SEMA3D: variants seen among roughly 807,000 people sequenced by gnomAD.
The protein encoded by SEMA3D is semaphorin 3D.
In SEMA3D, 84 loss-of-function variants were observed where a neutral mutation model predicts 100.1. The observed-to-expected ratio is 0.84, with a 90% CI of 0.70 to 1.01. The LOEUF is 1.01. Among genes scored for constraint, SEMA3D ranks in the 50% least tolerant of loss-of-function variants. The pLI, the probability that SEMA3D is intolerant of heterozygous loss-of-function variation, is 0.00. For missense variants in SEMA3D, 875 were observed against 934.1 expected (o/e 0.94, Z 0.82); for synonymous variants, 312 against 320.7 (o/e 0.97, Z 0.29).
chr7:85,238,070 G>A, the SEMA3D span, among the ~76,000 whole-genome samples: 1 of 152,138 alleles, frequency 6.6e-6, no homozygotes, highest in African/African-American at 2.4e-5. Context: ...TTTTGATGAT[G>A]TATCTGTTCA....
At chr7:85,003,631 TTAA>T (rs1339873318) in intron 18 of SEMA3D, among the ~76,000 whole-genome samples, 3 of 152,006 alleles carry the variant, frequency 2.0e-5, no homozygotes, top group East Asian at 1.9e-4. Context: ...CATTAAATTA[TTAA>T]TATCTGTAAT....
At chr7:85,053,126 C>T (rs1466411032) in intron 9 of SEMA3D, among the ~76,000 whole-genome samples, 1 of 151,872 alleles carries the variant, frequency 6.6e-6, no homozygotes, top group Non-Finnish European at 1.5e-5. Context: ...ACTATAACAG[C>T]AAGAACAACA....
At position 85,036,941 on chromosome 7, in the gene SEMA3D, T is replaced by A. The variant is rs764213831; in HGVS notation, c.1139A>T (p.Asp380Val). ...NGPYAHKESADHRWVQYDGRI... is the reference protein window; with the variant it reads ...NGPYAHKESAVHRWVQYDGRI... ...CCCATCATACTGCACCCAACGATGG[T>A]CTGCACTTTCCTTATGAGCATATGG... Residue 380 changes from aspartate to valine, a missense_variant, in exon 12 of 19, where the codon GAC becomes GTC. Transcript: ENST00000284136. 1 of 1,613,420 alleles carries A rather than the reference T, an allele frequency of 6.2e-7. No homozygotes were observed. Among genetic ancestry groups the A allele is most frequent in the Admixed American group, 1.7e-5 (1 of 59,952 alleles).
rs375423679 is a variant in SEMA3D at position 85,025,468 on chromosome 7, G to A, written c.1192-2855C>T. ...TTGGCAAGTCTGCGTGTTTGTCTAGGGCCTTTAGTAGTGGAATGGGAAGCA... is the reference window on the plus strand; with the variant it reads ...TTGGCAAGTCTGCGTGTTTGTCTAGAGCCTTTAGTAGTGGAATGGGAAGCA... On this transcript the variant is annotated intron_variant, in intron 12 of 18. Coordinates refer to ENST00000284136, the MANE Select transcript of SEMA3D (RefSeq NM_001384900.1). 2.0e-5 allele frequency among the ~76,000 whole-genome samples: 3 copies of A among 152,058 alleles called. No individual in the cohort carries two copies. In the South Asian group the frequency reaches 6.2e-4, roughly 32 times the overall value.
intron 1 of SEMA3D, among the ~76,000 whole-genome samples, chr7:85,156,860 C>G (rs938412826): frequency 6.6e-6 from 1 of 152,098 alleles, no homozygotes; most frequent in Non-Finnish European, 1.5e-5. Context: ...TCTTATAGCC[C>G]ACAGACAGTT....
the SEMA3D span, among the ~76,000 whole-genome samples, chr7:85,210,927 A>G: frequency 6.6e-6 from 1 of 152,048 alleles, no homozygotes; most frequent in Non-Finnish European, 1.5e-5. Flanking sequence ...TAATGTATCA[A>G]ATATACTTTG....
At chr7:85,167,132 G>T (rs1428866333) in intron 1 of SEMA3D, 1 of 298,920 alleles carries the variant, frequency 3.3e-6, no homozygotes, top group Non-Finnish European at 4.9e-6. Context: ...CCCGCCTGAA[G>T]ATCATAAAAA....
At chr7:85,026,484 T>C (rs1790393816) in intron 12 of SEMA3D, among the ~76,000 whole-genome samples, 1 of 152,032 alleles carries the variant, frequency 6.6e-6, no homozygotes. Flanking sequence ...GTTAGCTACA[T>C]TCCTCAGGTA....
chr7:85,051,013 T>C (rs1226967662), intron 9 of SEMA3D, among the ~76,000 whole-genome samples: 1 of 151,962 alleles, frequency 6.6e-6, no homozygotes, highest in Non-Finnish European at 1.5e-5. Flanking sequence ...TGTGACCAGA[T>C]ATTTACATTA....
chr7:85,020,369 T>C, intron 13 of SEMA3D, 48 bp from the exon 14 acceptor site: 1 of 1,388,054 alleles, frequency 7.2e-7, no homozygotes, highest in African/African-American at 1.4e-5. Flanking sequence ...TCTCAAAAAT[T>C]AGTGGTAAGC....
the SEMA3D span, among the ~76,000 whole-genome samples, chr7:85,197,804 A>C: frequency 6.6e-6 from 1 of 152,228 alleles, no homozygotes. Context: ...TCCAACAAAG[A>C]AATGGACAAT....
chr7:85,099,414 G>T (rs951926643), intron 3 of SEMA3D, among the ~76,000 whole-genome samples: 1 of 151,882 alleles, frequency 6.6e-6, no homozygotes, highest in African/African-American at 2.4e-5. Flanking sequence ...CCATGATTGC[G>T]AGGCCTCAGC....
At chr7:85,144,201 C>A (rs936988025) in intron 2 of SEMA3D, among the ~76,000 whole-genome samples, 12 of 151,880 alleles carry the variant, frequency 7.9e-5, no homozygotes, top group South Asian at 2.1e-4. Flanking sequence ...TTCAGTTTTT[C>A]TCTATGTGGA....
rs933648802 is a variant in SEMA3D at position 85,151,567 on chromosome 7, C to A, written c.-41+2041G>T. ...TTCTATGCTGGTTAAAATAGAGCAC[C>A]GTAGTTGATGTGTGTATGCATGTGT... is the stretch of plus-strand genomic sequence containing the variant. On this transcript the variant is annotated intron_variant, in intron 2 of 18. Coordinates refer to ENST00000284136, the MANE Select transcript of SEMA3D (RefSeq NM_001384900.1). 6.8e-6 allele frequency: 6 copies of A among 882,570 alleles called. No individual in the cohort carries two copies. The Admixed American group carries it at 1.9e-4, about 29-fold the overall frequency. 54.7% of individuals were successfully genotyped at this position (882,570 alleles called of 1,614,324 possible).
chr7:85,132,618 C>T (rs1191273991), intron 2 of SEMA3D, among the ~76,000 whole-genome samples: 3 of 151,768 alleles, frequency 2.0e-5, no homozygotes, highest in African/African-American at 7.2e-5. Flanking sequence ...GTTTCTCTAG[C>T]ATGAACATTA....
At chr7:85,031,233 G>C (rs1239719084) in intron 12 of SEMA3D, among the ~76,000 whole-genome samples, 1 of 151,966 alleles carries the variant, frequency 6.6e-6, no homozygotes, top group East Asian at 1.9e-4. Flanking sequence ...GTCAACAGAA[G>C]TCTCACCACT....
intron 2 of SEMA3D, among the ~76,000 whole-genome samples, chr7:85,149,424 G>T (rs918314572): frequency 1.3e-5 from 2 of 152,084 alleles, no homozygotes; most frequent in African/African-American, 4.8e-5. Context: ...TTCCAGCCTG[G>T]ATGACAGAGC....
At chr7:85,111,507 G>C (rs1789091449) in intron 3 of SEMA3D, among the ~76,000 whole-genome samples, 1 of 152,038 alleles carries the variant, frequency 6.6e-6, no homozygotes, top group South Asian at 2.1e-4. Flanking sequence ...CAGCTCATCA[G>C]CAAATCCTGT....
At chr7:85,173,391 C>T (rs1021716462) in intron 1 of SEMA3D, among the ~76,000 whole-genome samples, 1 of 152,058 alleles carries the variant, frequency 6.6e-6, no homozygotes, top group East Asian at 1.9e-4. Context: ...TCTGTCCTGG[C>T]TTCTTCCTCA....
Sources: allele counts gnomAD v4.1 joint callset (sites outside exome capture counted in the v4.1 genomes callset), GRCh38; gene constraint gnomAD v4.1.1; transcripts MANE v1.5; gene names NCBI Gene and HGNC (gene_info 2026-07-23, HGNC 2026-07-21).